JAK1: variants seen among roughly 807,000 people sequenced by gnomAD.
The protein encoded by JAK1 is tyrosine-protein kinase JAK1.
JAK1 carries 16 observed loss-of-function variants against 136.6 expected under a neutral mutation model. The ratio of observed to expected loss-of-function variants is 0.12; its 90% CI spans 0.08 to 0.18. The LOEUF is 0.18. Among genes scored for constraint, JAK1 ranks in the 10% least tolerant of loss-of-function variants. JAK1 has a pLI of 1.00. For synonymous variants in JAK1, 492 were observed against 519.5 expected (o/e 0.95, Z 0.72); for missense variants, 859 against 1,450.1 (o/e 0.59, Z 6.62).
chr1:65,018,210 T>C (rs907491250), intron 2 of JAK1, among the ~76,000 whole-genome samples: 1 of 152,130 alleles, frequency 6.6e-6, no homozygotes, highest in Non-Finnish European at 1.5e-5. Flanking sequence ...AGCTGATTTA[T>C]AGCCTTACAT....
chr1:65,021,406 C>T (rs1000532572), intron 2 of JAK1, among the ~76,000 whole-genome samples: 2 of 152,224 alleles, frequency 1.3e-5, no homozygotes, highest in Non-Finnish European at 2.9e-5. Flanking sequence ...TTCCTTCCAT[C>T]GGCACTTCAG....
At chr1:64,960,213 G>A (rs753902371) in intron 1 of JAK1, among the ~76,000 whole-genome samples, 2 of 152,184 alleles carry the variant, frequency 1.3e-5, no homozygotes, top group African/African-American at 2.4e-5. Flanking sequence ...GGGTGACAGC[G>A]CGAGACCTTG....
intron 1 of JAK1, among the ~76,000 whole-genome samples, chr1:65,046,483 A>C (rs760345581): frequency 3.9e-5 from 6 of 152,218 alleles, no homozygotes; most frequent in Non-Finnish European, 7.3e-5. Context: ...TCATTCTTAA[A>C]GGGGAGGACT....
At chr1:64,835,123 T>C (rs1343299008) in intron 24 of JAK1, among the ~76,000 whole-genome samples, 1 of 152,234 alleles carries the variant, frequency 6.6e-6, no homozygotes, top group African/African-American at 2.4e-5. Context: ...ACACTAAGGC[T>C]ACACCAAAAC....
intron 17 of JAK1, among the ~76,000 whole-genome samples, 172 bp from the exon 18 acceptor site, chr1:64,841,773 T>C (rs1654922288): frequency 6.6e-6 from 1 of 152,178 alleles, no homozygotes; most frequent in African/African-American, 2.4e-5. Context: ...GAAATCACAG[T>C]CCTAATACTG....
intron 2 of JAK1, among the ~76,000 whole-genome samples, chr1:64,976,542 A>G (rs980515433): frequency 3.3e-5 from 5 of 152,166 alleles, no homozygotes; most frequent in Non-Finnish European, 5.9e-5. Flanking sequence ...CATCATACAC[A>G]TGGCTGTTAA....
chr1:64,955,161 C>T (rs1646161200), intron 1 of JAK1, among the ~76,000 whole-genome samples: 2 of 152,210 alleles, frequency 1.3e-5, no homozygotes, highest in African/African-American at 4.8e-5. Context: ...ATTCAATAAA[C>T]AGCCGTGTGC....
At chr1:65,019,012 AAAAAAT>A (rs751787724) in intron 2 of JAK1, among the ~76,000 whole-genome samples, 1 of 152,170 alleles carries the variant, frequency 6.6e-6, no homozygotes, top group Non-Finnish European at 1.5e-5. Flanking sequence ...TTCCGTCTCA[AAAAAAT>A]AAAAATAAAA....
intron 2 of JAK1, among the ~76,000 whole-genome samples, chr1:65,004,822 G>T (rs78096512): frequency 0.023 from 3,456 of 152,234 alleles, 121 homozygotes; most frequent in African/African-American, 0.079. Flanking sequence ...AGACCAAATT[G>T]TGAAATGTCT....
At position 65,058,844 on chromosome 1, in the gene JAK1, T is replaced by C. The variant is rs1647664496; in HGVS notation, c.-181+8760A>G. On this transcript the variant is annotated intron_variant, in intron 1 of 25. Transcript: ENST00000671954. ...CTCTTCCATGCATGGATTCACTGACTGTGCCTCCCTGACCTCAATCATTGA... is the reference window on the plus strand; with the variant it reads ...CTCTTCCATGCATGGATTCACTGACCGTGCCTCCCTGACCTCAATCATTGA... Among the ~76,000 whole-genome samples, 3 of 152,288 alleles carry C rather than the reference T, an allele frequency of 2.0e-5. No homozygotes were observed. In the South Asian group the frequency reaches 6.2e-4, roughly 32 times the overall value.
intron 15 of JAK1, 57 bp downstream of exon 15, chr1:64,845,456 C>A (rs2100999156): frequency 6.2e-7 from 1 of 1,603,996 alleles, no homozygotes; most frequent in Non-Finnish European, 8.5e-7. Context: ...TCCTGCCACC[C>A]CTCCCAGGAC....
At chr1:64,997,895 A>T (rs940307564) in intron 2 of JAK1, among the ~76,000 whole-genome samples, 3 of 152,220 alleles carry the variant, frequency 2.0e-5, no homozygotes, top group Non-Finnish European at 4.4e-5. Context: ...GAGCCACAAG[A>T]CGAGACAGCC....
At chr1:64,906,861 T>C (rs1186415043) in intron 1 of JAK1, among the ~76,000 whole-genome samples, 1 of 152,180 alleles carries the variant, frequency 6.6e-6, no homozygotes, top group Non-Finnish European at 1.5e-5. Flanking sequence ...CTTAAAGCTT[T>C]AAAGGAAAAA....
chr1:65,036,025 G>T (rs1471753758), intron 2 of JAK1, among the ~76,000 whole-genome samples: 1 of 152,140 alleles, frequency 6.6e-6, no homozygotes, highest in Non-Finnish European at 1.5e-5. Context: ...CCGAGATTGT[G>T]CCACTGTACT....
At chr1:65,046,790 T>C (rs1265328424) in intron 1 of JAK1, among the ~76,000 whole-genome samples, 2 of 151,304 alleles carry the variant, frequency 1.3e-5, no homozygotes, top group Admixed American at 6.6e-5. Flanking sequence ...CCTCAAGTGA[T>C]CCACTCGCCT....
chr1:64,911,593 G>A (rs999004703), intron 1 of JAK1, among the ~76,000 whole-genome samples: 11 of 152,184 alleles, frequency 7.2e-5, no homozygotes, highest in Non-Finnish European at 1.5e-4. Context: ...GAGACTCCAC[G>A]CAGGTCTACT....
chr1:64,860,861 T>TGTG (rs58016723), intron 8 of JAK1, among the ~76,000 whole-genome samples: 95 of 132,294 alleles, frequency 7.2e-4, no homozygotes, highest in Non-Finnish European at 1.2e-3. Context: ...TGTGTGTGTG[T>TGTG]TGGGGGTGAC....
At chr1:65,052,803 C>G (rs1176547979) in intron 1 of JAK1, among the ~76,000 whole-genome samples, 1 of 143,586 alleles carries the variant, frequency 7.0e-6, no homozygotes, top group African/African-American at 2.6e-5. Flanking sequence ...GACACTCCAG[C>G]CTGGGCAACA....
chr1:65,067,215 G>A (rs1270321593), intron 1 of JAK1, among the ~76,000 whole-genome samples: 2 of 150,462 alleles, frequency 1.3e-5, no homozygotes, highest in African/African-American at 4.9e-5. Context: ...TGCGGTCCCC[G>A]GAGGAGGCTG....
Sources: allele counts gnomAD v4.1 joint callset (sites outside exome capture counted in the v4.1 genomes callset), GRCh38; gene constraint gnomAD v4.1.1; transcripts MANE v1.5; gene names NCBI Gene and HGNC (gene_info 2026-07-23, HGNC 2026-07-21).